The following FCRL1 variants were observed in gnomAD, a reference collection of about 807,000 sequenced individuals.
FCRL1 encodes the protein Fc receptor like 1.
Under a neutral mutation model 49.2 loss-of-function variants are expected in FCRL1, and 34 were observed. That is an observed-to-expected ratio of 0.69 (90% CI 0.53 to 0.92). FCRL1 has a LOEUF of 0.92. Ranked by LOEUF, FCRL1 falls within the 40% of genes least tolerant of loss-of-function variation. The pLI is 0.00. For missense variants in FCRL1, 524 were observed against 524.1 expected (o/e 1.00, Z 0.00); for synonymous variants, 218 against 201.6 (o/e 1.08, Z -0.69).
chr1:157,801,160 G>C (rs961314313), intron 6 of FCRL1, among the ~76,000 whole-genome samples: 1 of 152,144 alleles, frequency 6.6e-6, no homozygotes, highest in Admixed American at 6.5e-5. Context: ...AAAGTGCTGG[G>C]ATTACAGGCG....
chr1:157,805,210 C>G (rs556686477), intron 2 of FCRL1, among the ~76,000 whole-genome samples: 1 of 152,076 alleles, frequency 6.6e-6, no homozygotes, highest in Non-Finnish European at 1.5e-5. Context: ...GCTCTCTCCT[C>G]GTCTCCCCAA....
chr1:157,808,187 T>C (rs1283030972), intron 1 of FCRL1, among the ~76,000 whole-genome samples: 3 of 152,122 alleles, frequency 2.0e-5, no homozygotes, highest in Non-Finnish European at 4.4e-5. Flanking sequence ...CCTGGAGTGA[T>C]GGGAGTAAAC....
intron 3 of FCRL1, among the ~76,000 whole-genome samples, chr1:157,803,028 TTG>T (rs1210721879): frequency 1.3e-5 from 2 of 152,344 alleles, no homozygotes. Context: ...CTTTTACTCG[TTG>T]TGTGTGCTTG....
intron 2 of FCRL1, among the ~76,000 whole-genome samples, chr1:157,806,205 G>A (rs1441529848): frequency 6.6e-6 from 1 of 152,172 alleles, no homozygotes; most frequent in Non-Finnish European, 1.5e-5. Flanking sequence ...CAAGTCATCA[G>A]TTATACTTGG....
intron 2 of FCRL1, 179 bp from the exon 3 acceptor site, chr1:157,804,290 A>AC: frequency 1.6e-6 from 1 of 620,962 alleles, no homozygotes; most frequent in Non-Finnish European, 2.7e-6. Flanking sequence ...CCATGAACTC[A>AC]CCCTGCTCAC....
At chr1:157,805,596 T>C (rs1653307392) in intron 2 of FCRL1, among the ~76,000 whole-genome samples, 1 of 152,068 alleles carries the variant, frequency 6.6e-6, no homozygotes, top group South Asian at 2.1e-4. Flanking sequence ...GGCAGGGCAA[T>C]AAATAAAAAG....
chr1:157,801,455 A>G lies in FCRL1; in HGVS notation c.1003+6T>C. On this transcript the variant is annotated splice_donor_region_variant and intron_variant, in intron 6 of 10. Transcript: ENST00000368176. ...TAACAAAATGCCACTCTCTTTAAAT[A>G]CTAACCTATTTTTCTTTTGAGGCCG... is the stretch of plus-strand genomic sequence containing the variant. The G allele has an allele frequency of 6.4e-7, 1 of 1,570,470 alleles. No individual in the cohort carries two copies. Among genetic ancestry groups the G allele is most frequent in the Non-Finnish European group, 8.8e-7 (1 of 1,140,920 alleles).
chr1:157,800,155 A>G, intron 6 of FCRL1, 70 bp from the exon 7 acceptor site: 1 of 1,498,452 alleles, frequency 6.7e-7, no homozygotes, highest in South Asian at 1.2e-5. Context: ...CAGTGTTTTC[A>G]TACCCCCTGC....
intron 9 of FCRL1, chr1:157,797,551 T>C: frequency 1.6e-6 from 1 of 608,134 alleles, no homozygotes; most frequent in South Asian, 2.0e-5. Context: ...AATGACACCT[T>C]ATTGTAACTA....
intron 6 of FCRL1, among the ~76,000 whole-genome samples, 191 bp from the exon 7 acceptor site, chr1:157,800,276 C>A (rs1300336148): frequency 3.3e-5 from 5 of 152,166 alleles, no homozygotes; most frequent in Admixed American, 2.6e-4. Context: ...AACTCAGGTC[C>A]TGAATAATTA....
intron 1 of FCRL1, among the ~76,000 whole-genome samples, chr1:157,810,232 G>T (rs1437264833): frequency 6.6e-6 from 1 of 152,050 alleles, no homozygotes; most frequent in Non-Finnish European, 1.5e-5. Flanking sequence ...TTTACCAGGG[G>T]TTAGGAATGG....
intron 2 of FCRL1, among the ~76,000 whole-genome samples, chr1:157,805,939 T>C (rs1306384471): frequency 1.3e-5 from 2 of 152,172 alleles, no homozygotes; most frequent in African/African-American, 4.8e-5. Context: ...TAACCCACTA[T>C]TCTCAATGGG....
chr1:157,813,963 G>A (rs1261548466), intron 1 of FCRL1, among the ~76,000 whole-genome samples: 1 of 152,086 alleles, frequency 6.6e-6, no homozygotes, highest in Non-Finnish European at 1.5e-5. Context: ...AAAACTTTCA[G>A]CAAGAATACT....
chr1:157,804,080 G>T lies in FCRL1; in HGVS notation c.84C>A (p.Pro28=). ...ELFLIASPSH[P]TEGSPVTLTC... ...TCAGGGTCACTGGGCTCCCCTCTGT[G>T]GGATGGGAGGGGCTGGCTATCAAAA... The change falls in exon 3 of 11, where the codon CCC becomes CCA. Residue 28 remains proline, a synonymous_variant. Transcript: ENST00000368176. The T allele has an allele frequency of 6.2e-7, 1 of 1,614,166 alleles. No homozygotes were observed. Among genetic ancestry groups the T allele is most frequent in the Non-Finnish European group, 8.5e-7 (1 of 1,180,024 alleles).
rs1158639592 is a variant in FCRL1 at position 157,797,698 on chromosome 1, G to A, written c.1186+170C>T. 3 of 1,498,704 alleles carry A rather than the reference G, an allele frequency of 2.0e-6. No individual in the cohort carries two copies. The African/African-American group carries it at 4.2e-5, about 21-fold the overall frequency. The allele number at this position is 1,498,704 out of a possible 1,614,324, so 92.8% of individuals were successfully genotyped here. A position where few individuals can be genotyped will look rare whatever the true frequency, so the allele number is the denominator to read the frequency against. On this transcript the variant is annotated intron_variant, in intron 9 of 10. Coordinates refer to ENST00000368176, the MANE Select transcript of FCRL1 (RefSeq NM_052938.5). ...GAAAGAACCTTAGCATTAGCTCTGG[G>A]CTCTACTCAAGGTAGCTCCAGACCC...
At chr1:157,802,798 G>A (rs1341410382) in intron 3 of FCRL1, 134 bp from the exon 4 acceptor site, 4 of 884,854 alleles carry the variant, frequency 4.5e-6, no homozygotes, top group East Asian at 5.3e-5. Context: ...TGGGTGAGGT[G>A]GGGAGGGGTC....
At chr1:157,797,221 A>G (rs1651648509) in intron 9 of FCRL1, 89 bp from the exon 10 acceptor site, 1 of 1,185,836 alleles carries the variant, frequency 8.4e-7, no homozygotes, top group East Asian at 2.3e-5. Context: ...TTCCTCTCCC[A>G]TCTATTTCCC....
At chr1:157,800,634 A>G (rs920017634) in intron 6 of FCRL1, among the ~76,000 whole-genome samples, 4 of 152,178 alleles carry the variant, frequency 2.6e-5, no homozygotes, top group African/African-American at 9.7e-5. Flanking sequence ...TCATAATAGG[A>G]GAGAACAATT....
At position 157,802,369 on chromosome 1, in the gene FCRL1, G is replaced by C. The variant is rs1303938136; in HGVS notation, c.607+8C>G. 1.2e-6 allele frequency: 2 copies of C among 1,613,156 alleles called. No individual in the cohort carries two copies. The highest frequency in any genetic ancestry group is 2.7e-5 in the African/African-American group (2 of 74,906). On this transcript the variant is annotated splice_region_variant and intron_variant, in intron 4 of 10. Coordinates refer to ENST00000368176, the MANE Select transcript of FCRL1 (RefSeq NM_052938.5). ...CTGGCTGGCTGAACGAAGGGTAGTGGAACTTACTTCTGACAGTGATGCTCA... is the reference window on the plus strand; with the variant it reads ...CTGGCTGGCTGAACGAAGGGTAGTGCAACTTACTTCTGACAGTGATGCTCA...
Sources: gnomAD v4.1 joint callset for allele counts (sites outside exome capture counted in the v4.1 genomes callset) on GRCh38, gnomAD v4.1.1 for gene constraint, MANE v1.5 for transcripts, NCBI Gene and HGNC (gene_info 2026-07-23, HGNC 2026-07-21) for gene names.